The following PPA2 variants were observed in gnomAD, a reference collection of about 807,000 sequenced individuals.
The protein encoded by PPA2 is inorganic pyrophosphatase 2, mitochondrial.
Under a neutral mutation model 49.5 loss-of-function variants are expected in PPA2, and 48 were observed. The observed-to-expected ratio is 0.97, with a 90% CI of 0.77 to 1.23. The LOEUF (loss-of-function observed/expected upper bound fraction) is 1.23. PPA2 is among the 50% of genes most tolerant of loss of function. The pLI is 0.00. For missense variants in PPA2, 429 were observed against 410.1 expected (o/e 1.05, Z -0.40); for synonymous variants, 131 against 139.9 (o/e 0.94, Z 0.45).
intron 7 of PPA2, among the ~76,000 whole-genome samples, chr4:105,411,042 A>G (rs4499701): frequency 0.22 from 33,115 of 152,180 alleles, 4,708 homozygotes; most frequent in African/African-American, 0.4. Flanking sequence ...TTATAACGAC[A>G]GGACTAAATT....
intron 1 of PPA2, among the ~76,000 whole-genome samples, chr4:105,464,083 C>T (rs1326652492): frequency 1.3e-5 from 2 of 152,188 alleles, no homozygotes; most frequent in Non-Finnish European, 2.9e-5. Flanking sequence ...CCCAGAAAAG[C>T]CACAGACATT....
intron 10 of PPA2, among the ~76,000 whole-genome samples, chr4:105,385,911 A>T (rs535657223): frequency 7.0e-6 from 1 of 142,268 alleles, no homozygotes; most frequent in Non-Finnish European, 1.5e-5. Flanking sequence ...ACAGAGTCTC[A>T]CTCTGTCGCC....
At chr4:105,413,219 T>C (rs997802928) in intron 7 of PPA2, among the ~76,000 whole-genome samples, 8 of 151,684 alleles carry the variant, frequency 5.3e-5, no homozygotes, top group African/African-American at 1.9e-4. Flanking sequence ...CTGAGCAAAC[T>C]ATCACAGGGA....
chr4:105,469,613 G>A (rs1224411973), intron 1 of PPA2, among the ~76,000 whole-genome samples: 11 of 152,200 alleles, frequency 7.2e-5, no homozygotes, highest in Admixed American at 7.2e-4. Context: ...ATTAAGAAAT[G>A]TAAAGGAGCC....
At chr4:105,457,865 CA>C (rs1722933044) in intron 1 of PPA2, among the ~76,000 whole-genome samples, 1 of 152,146 alleles carries the variant, frequency 6.6e-6, no homozygotes, top group African/African-American at 2.4e-5. Flanking sequence ...GCACCTGGCC[CA>C]GATTTTGGTT....
intron 10 of PPA2, among the ~76,000 whole-genome samples, chr4:105,377,711 C>A (rs1733313712): frequency 6.6e-6 from 1 of 152,050 alleles, no homozygotes; most frequent in Non-Finnish European, 1.5e-5. Context: ...ACTGTAAAAT[C>A]CTCCTTCCTG....
At chr4:105,454,045 C>G (rs538011420) in intron 2 of PPA2, 4 of 157,620 alleles carry the variant, frequency 2.5e-5, no homozygotes, top group African/African-American at 9.6e-5. Flanking sequence ...GCACCTCCTG[C>G]CTGTGAATTC....
chr4:105,469,275 C>T (rs142341307), intron 1 of PPA2, among the ~76,000 whole-genome samples: 43 of 152,314 alleles, frequency 2.8e-4, no homozygotes, highest in Non-Finnish European at 5.3e-4. Context: ...TCAATCTACA[C>T]GATATTGCCA....
At chr4:105,461,593 C>G (rs570744159) in intron 1 of PPA2, among the ~76,000 whole-genome samples, 2 of 152,256 alleles carry the variant, frequency 1.3e-5, no homozygotes, top group South Asian at 4.1e-4. Context: ...CTCCCCATTC[C>G]AGTCGTGGCC....
In PPA2 at chr4:105,424,273, G is replaced by C. The variant is rs1369054132; in HGVS notation, c.578C>G (p.Ala193Gly). The C allele has an allele frequency of 1.2e-6, 2 of 1,605,990 alleles. No homozygotes were observed. Among genetic ancestry groups the C allele is most frequent in the Non-Finnish European group, 1.7e-6 (2 of 1,177,422 alleles). The change falls in exon 7 of 12, where the codon GCT becomes GGT. Residue 193 changes from alanine to glycine, a missense_variant. Transcript: ENST00000341695. ...VIHVKILGILALIDEGETDWK... is the reference protein window; with the variant it reads ...VIHVKILGILGLIDEGETDWK... ...ATCTGTTTCACCTTCATCAATAAGA[G>C]CCAAAATTCCAAGGATCTTCACATG... is the stretch of plus-strand genomic sequence containing the variant.
chr4:105,391,981 A>G (rs1428951166), intron 9 of PPA2, among the ~76,000 whole-genome samples: 2 of 152,142 alleles, frequency 1.3e-5, no homozygotes, highest in East Asian at 3.8e-4. Context: ...TCAAGAATCA[A>G]TCAAAACTTG....
intron 10 of PPA2, among the ~76,000 whole-genome samples, chr4:105,377,788 T>C (rs973870830): frequency 3.9e-5 from 6 of 152,166 alleles, no homozygotes; most frequent in African/African-American, 7.2e-5. Flanking sequence ...ATATAAATGG[T>C]ATGAAAAAAT....
intron 10 of PPA2, among the ~76,000 whole-genome samples, chr4:105,381,993 A>C (rs1440564062): frequency 6.6e-6 from 1 of 151,844 alleles, no homozygotes; most frequent in East Asian, 1.9e-4. Flanking sequence ...GTTAAGTTGA[A>C]CTTCTATAAT....
intron 1 of PPA2, among the ~76,000 whole-genome samples, chr4:105,463,878 A>G (rs111430345): frequency 1.3e-5 from 2 of 152,348 alleles, no homozygotes; most frequent in African/African-American, 4.8e-5. Flanking sequence ...AAACACCTGG[A>G]TGCCCAGGCA....
At chr4:105,386,709 A>G in intron 9 of PPA2, 73 bp from the exon 10 acceptor site, 1 of 1,163,908 alleles carries the variant, frequency 8.6e-7, no homozygotes, top group Non-Finnish European at 1.3e-6. Flanking sequence ...CCCAAAAACT[A>G]ACTCCAAATA....
At chr4:105,385,877 CA>C (rs1733658018) in intron 10 of PPA2, among the ~76,000 whole-genome samples, 1 of 137,926 alleles carries the variant, frequency 7.3e-6, no homozygotes, top group Non-Finnish European at 1.6e-5. Flanking sequence ...ATTTTATTTT[CA>C]ATTTTTTTTT....
chr4:105,434,508 T>C (rs1723957889), intron 6 of PPA2, among the ~76,000 whole-genome samples: 2 of 152,120 alleles, frequency 1.3e-5, no homozygotes, highest in Admixed American at 6.5e-5. Flanking sequence ...AGGCAAAGGA[T>C]GCTGCAGAAG....
chr4:105,385,738 C>T (rs2110374617), intron 10 of PPA2, among the ~76,000 whole-genome samples: 1 of 152,058 alleles, frequency 6.6e-6, no homozygotes, highest in East Asian at 1.9e-4. Context: ...ATCACTAAGA[C>T]ATATAAAAAT....
At chr4:105,386,937 T>G (rs1198793068) in intron 9 of PPA2, among the ~76,000 whole-genome samples, 2 of 152,190 alleles carry the variant, frequency 1.3e-5, no homozygotes, top group African/African-American at 4.8e-5. Context: ...CAATTGCACT[T>G]CACCTTTATT....
Sources: gnomAD v4.1 joint callset for allele counts (sites outside exome capture counted in the v4.1 genomes callset) on GRCh38, gnomAD v4.1.1 for gene constraint, MANE v1.5 for transcripts, NCBI Gene and HGNC (gene_info 2026-07-23, HGNC 2026-07-21) for gene names.